The following CDKAL1 variants were observed in gnomAD, a reference collection of about 807,000 sequenced individuals.
CDKAL1 encodes the protein threonylcarbamoyladenosine tRNA methylthiotransferase.
A neutral mutation model predicts 68.2 loss-of-function variants in CDKAL1; 32 were observed. The ratio of observed to expected loss-of-function variants is 0.47; its 90% confidence interval spans 0.35 to 0.63. The LOEUF (loss-of-function observed/expected upper bound fraction) is 0.63, where lower values mean the gene tolerates loss of function less well. Ranked by LOEUF, CDKAL1 falls within the 30% of genes least tolerant of loss-of-function variation. The pLI, the probability that CDKAL1 is intolerant of heterozygous loss-of-function variation, is 0.00. For synonymous variants in CDKAL1, 234 were observed against 244.3 expected (o/e 0.96, Z 0.39); for missense variants, 606 against 696.7 (o/e 0.87, Z 1.47).
Position 21,146,616 on chromosome 6 carries a change from C to T in CDKAL1, c.1299+38153C>T, listed in dbSNP as rs137913053. Among the ~76,000 whole-genome samples, 1,087 of 152,058 alleles carry T rather than the reference C, an allele frequency of 7.1e-3. 11 individuals carry two copies. Among genetic ancestry groups the T allele is most frequent in the African/African-American group, 0.025 (1,043 of 41,464 alleles). ...CTGTAATCCCAGCACTTTCGGAGGC[C>T]GAGACGGGCGGATCACAAGGTCAGG... On this transcript the variant is annotated intron_variant, in intron 13 of 15. Transcript: ENST00000274695.
intron 15 of CDKAL1, among the ~76,000 whole-genome samples, chr6:21,213,393 G>A (rs1341128666): frequency 6.6e-6 from 1 of 152,190 alleles, no homozygotes; most frequent in Non-Finnish European, 1.5e-5. Flanking sequence ...TCTCGTTCAT[G>A]AACATGGATG....
At chr6:21,139,231 T>C (rs1405386920) in intron 13 of CDKAL1, among the ~76,000 whole-genome samples, 2 of 152,222 alleles carry the variant, frequency 1.3e-5, no homozygotes, top group Non-Finnish European at 2.9e-5. Context: ...AAGTGGCTAC[T>C]TTTGATGACT....
chr6:20,662,328 G>T (rs1769323375), intron 5 of CDKAL1, among the ~76,000 whole-genome samples: 1 of 152,064 alleles, frequency 6.6e-6, no homozygotes, highest in Non-Finnish European at 1.5e-5. Context: ...TAGATTGTAG[G>T]CTATATTAAG....
chr6:21,194,358 A>G (rs1248741207), intron 13 of CDKAL1, among the ~76,000 whole-genome samples: 1 of 152,220 alleles, frequency 6.6e-6, no homozygotes, highest in Non-Finnish European at 1.5e-5. Flanking sequence ...CTGTTAGGCA[A>G]GGATCTGTCA....
chr6:21,007,656 T>A (rs2494728), intron 11 of CDKAL1, among the ~76,000 whole-genome samples: 103,259 of 151,948 alleles, frequency 0.68, 35,260 homozygotes, highest in East Asian at 0.84. Context: ...CAATGGTAAG[T>A]ATACCGATAA....
intron 4 of CDKAL1, among the ~76,000 whole-genome samples, chr6:20,600,407 C>G (rs1766030381): frequency 6.6e-6 from 1 of 151,932 alleles, no homozygotes; most frequent in East Asian, 1.9e-4. Flanking sequence ...CTTATTTTAC[C>G]TTTTTCCATT....
intron 7 of CDKAL1, among the ~76,000 whole-genome samples, chr6:20,770,359 A>G (rs925950058): frequency 6.6e-6 from 1 of 152,200 alleles, no homozygotes; most frequent in African/African-American, 2.4e-5. Flanking sequence ...AAGTGTTGAA[A>G]GTTTTAATGT....
intron 9 of CDKAL1, among the ~76,000 whole-genome samples, chr6:20,916,870 C>G (rs1224784131): frequency 6.6e-6 from 1 of 151,728 alleles, no homozygotes; most frequent in Non-Finnish European, 1.5e-5. Context: ...TAAAGTATAC[C>G]AAAACAATAA....
At chr6:20,543,827 T>C (rs1236279489) in intron 2 of CDKAL1, among the ~76,000 whole-genome samples, 1 of 150,260 alleles carries the variant, frequency 6.7e-6, no homozygotes, top group Non-Finnish European at 1.5e-5. Context: ...ACCTCTGCCT[T>C]GTGGGTTCAA....
chr6:21,140,432 C>CA (rs1775840195), intron 13 of CDKAL1, among the ~76,000 whole-genome samples: 1 of 152,192 alleles, frequency 6.6e-6, no homozygotes, highest in South Asian at 2.1e-4. Flanking sequence ...ATGTCCTCCC[C>CA]ACCTGCCTTG....
rs1402259681 is a variant in CDKAL1 at position 21,153,599 on chromosome 6, A to G, written c.1300-44422A>G. Among the ~76,000 whole-genome samples, 5 of 152,356 alleles carry G rather than the reference A, an allele frequency of 3.3e-5. No individual in the cohort carries two copies. In the South Asian group the frequency reaches 6.2e-4, roughly 19 times the overall value. ...GGAAACTATCTTGATAAACAGTTCA[A>G]TGGACAAAGTTAAAACCTGAGGACA... is the stretch of plus-strand genomic sequence containing the variant. On this transcript the variant is annotated intron_variant, in intron 13 of 15. Transcript: ENST00000274695.
intron 10 of CDKAL1, among the ~76,000 whole-genome samples, chr6:20,975,906 T>A (rs776659074): frequency 2.0e-5 from 3 of 152,242 alleles, no homozygotes; most frequent in Non-Finnish European, 4.4e-5. Flanking sequence ...TTGTTTTCAT[T>A]AAGGTTCACC....
At chr6:20,700,954 G>A (rs1464427898) in intron 5 of CDKAL1, among the ~76,000 whole-genome samples, 1 of 147,890 alleles carries the variant, frequency 6.8e-6, no homozygotes, top group Non-Finnish European at 1.5e-5. Flanking sequence ...TTAATTTTTA[G>A]ACTTAGGAGC....
chr6:20,982,069 T>C (rs769336339), intron 10 of CDKAL1, among the ~76,000 whole-genome samples: 3 of 148,782 alleles, frequency 2.0e-5, no homozygotes, highest in Non-Finnish European at 4.4e-5. Context: ...ATTTATTTAT[T>C]TATTTATTTA....
At chr6:21,150,659 A>G (rs188322469) in intron 13 of CDKAL1, among the ~76,000 whole-genome samples, 85 of 152,336 alleles carry the variant, frequency 5.6e-4, no homozygotes, top group South Asian at 1.2e-3. Flanking sequence ...TCCACTTGAT[A>G]TTTAAAATGG....
chr6:20,573,760 G>C (rs529214732), intron 4 of CDKAL1, among the ~76,000 whole-genome samples: 1 of 152,222 alleles, frequency 6.6e-6, no homozygotes. Context: ...CTTTAGATTG[G>C]ATTTGGAAGC....
At chr6:20,823,320 T>A (rs959488442) in intron 8 of CDKAL1, among the ~76,000 whole-genome samples, 1 of 152,210 alleles carries the variant, frequency 6.6e-6, no homozygotes, top group Non-Finnish European at 1.5e-5. Flanking sequence ...TGCATTTGTA[T>A]TATTCTACCC....
intron 15 of CDKAL1, among the ~76,000 whole-genome samples, chr6:21,229,290 A>T (rs1779866726): frequency 6.6e-6 from 1 of 152,134 alleles, no homozygotes; most frequent in Non-Finnish European, 1.5e-5. Flanking sequence ...AATCCTTTGA[A>T]TTCAAATCCT....
At chr6:20,942,749 G>A (rs931410924) in intron 9 of CDKAL1, among the ~76,000 whole-genome samples, 3 of 149,950 alleles carry the variant, frequency 2.0e-5, no homozygotes, top group African/African-American at 7.3e-5. Flanking sequence ...AAGGTCAGAA[G>A]ATCGAGACCA....
Sources: gnomAD v4.1 joint callset for allele counts (sites outside exome capture counted in the v4.1 genomes callset) on GRCh38, gnomAD v4.1.1 for gene constraint, MANE v1.5 for transcripts, NCBI Gene and HGNC (gene_info 2026-07-23, HGNC 2026-07-21) for gene names.